Variants in TAF4B observed in about 807,000 individuals in gnomAD.
TAF4B encodes the protein transcription initiation factor TFIID subunit 4B.
TAF4B carries 38 observed loss-of-function variants against 86.4 expected under a neutral mutation model. The observed-to-expected ratio is 0.44, with a 90% confidence interval of 0.34 to 0.58. The LOEUF (loss-of-function observed/expected upper bound fraction) is 0.58. Among genes scored for constraint, TAF4B ranks in the 20% least tolerant of loss-of-function variants. The pLI is 0.02. For synonymous variants in TAF4B, 388 were observed against 391.2 expected (o/e 0.99, Z 0.10); for missense variants, 988 against 1,027.6 (o/e 0.96, Z 0.53).
intron 14 of TAF4B, among the ~76,000 whole-genome samples, chr18:26,366,919 A>G (rs1057199639): frequency 6.6e-6 from 1 of 152,206 alleles, no homozygotes; most frequent in Admixed American, 6.5e-5. Flanking sequence ...AGTCCTCACA[A>G]TTCCTCTGTA....
intron 1 of TAF4B, among the ~76,000 whole-genome samples, chr18:26,244,553 G>T (rs1213414428): frequency 6.6e-6 from 1 of 152,134 alleles, no homozygotes; most frequent in Non-Finnish European, 1.5e-5. Context: ...CGCAGCTTTG[G>T]CTCACACTCC....
At chr18:26,349,299 T>G (rs1293727790) in intron 13 of TAF4B, among the ~76,000 whole-genome samples, 1 of 152,120 alleles carries the variant, frequency 6.6e-6, no homozygotes, top group Non-Finnish European at 1.5e-5. Context: ...TGTCTATTGT[T>G]GCCGTCTCAA....
At chr18:26,365,002 CTT>C (rs1236686001) in intron 14 of TAF4B, among the ~76,000 whole-genome samples, 35 of 109,234 alleles carry the variant, frequency 3.2e-4, no homozygotes, top group African/African-American at 7.9e-4. Flanking sequence ...TAATTCTATT[CTT>C]TTTTTTTTTT....
In TAF4B at chr18:26,346,801, G is replaced by GTGTGTATA. The variant is rs1298359765; in HGVS notation, c.2317-10888_2317-10887insGTGTATAT. Among the ~76,000 whole-genome samples, 17 of 18,248 alleles carry GTGTGTATA rather than the reference G, an allele frequency of 9.3e-4. 4 individuals are homozygous for GTGTGTATA. Among genetic ancestry groups the GTGTGTATA allele is most frequent in the African/African-American group, 1.8e-3 (17 of 9,520 alleles). 12.0% of individuals were successfully genotyped at this position (18,248 alleles called of 152,430 possible). On this transcript the variant is annotated intron_variant, in intron 13 of 14. Coordinates refer to ENST00000269142, the MANE Select transcript of TAF4B (RefSeq NM_005640.3). ...TGTGTGTATATATATATATATATGT[G>GTGTGTATA]TATATATATATATATGTGTGTGTAT...
At chr18:26,324,789 A>T (rs546808667) in intron 11 of TAF4B, among the ~76,000 whole-genome samples, 1 of 152,356 alleles carries the variant, frequency 6.6e-6, no homozygotes, top group East Asian at 1.9e-4. Flanking sequence ...ATAACAAAAG[A>T]TTATCAGCCC....
intron 11 of TAF4B, among the ~76,000 whole-genome samples, chr18:26,325,196 T>C (rs945676071): frequency 1.3e-5 from 2 of 152,258 alleles, no homozygotes; most frequent in African/African-American, 4.8e-5. Flanking sequence ...AGATATGTTA[T>C]AGTCGCCTAT....
chr18:26,305,095 T>C (rs1400670229), intron 9 of TAF4B, among the ~76,000 whole-genome samples: 1 of 152,218 alleles, frequency 6.6e-6, no homozygotes, highest in East Asian at 1.9e-4. Flanking sequence ...TCTCTTCCTT[T>C]ATGGCTTTTG....
rs2055952125 is a variant in TAF4B, at chr18:26,248,015, A to G, written c.344-17155A>G. Among the ~76,000 whole-genome samples the G allele has an allele frequency of 1.6e-5, 2 of 122,440 alleles. 1 individual carries two copies. Among genetic ancestry groups the G allele is most frequent in the Non-Finnish European group, 3.3e-5 (2 of 59,714 alleles). The allele number at this position is 122,440 out of a possible 152,430, so 80.3% of individuals were successfully genotyped here. On this transcript the variant is annotated intron_variant, in intron 1 of 14. Coordinates refer to ENST00000269142, the MANE Select transcript of TAF4B (RefSeq NM_005640.3). ...TCAAACCTACTGAGTGACTGGGACT[A>G]CAGGTGTGCCTCACTATGCCCAGCT...
intron 5 of TAF4B, among the ~76,000 whole-genome samples, chr18:26,277,373 A>ACCGTGC (rs1253489892): frequency 6.6e-6 from 1 of 152,226 alleles, no homozygotes; most frequent in Non-Finnish European, 1.5e-5. Flanking sequence ...GGCATGAGCC[A>ACCGTGC]CCGTGCCCAG....
At chr18:26,319,304 C>T (rs2056939851) in intron 10 of TAF4B, among the ~76,000 whole-genome samples, 1 of 151,694 alleles carries the variant, frequency 6.6e-6, no homozygotes, top group Non-Finnish European at 1.5e-5. Context: ...CTAGCCTGGC[C>T]AACATGGTGA....
At chr18:26,385,586 C>T (rs1978326412) in intron 14 of TAF4B, among the ~76,000 whole-genome samples, 1 of 151,914 alleles carries the variant, frequency 6.6e-6, no homozygotes, top group South Asian at 2.1e-4. Flanking sequence ...GTGAAGAATC[C>T]AGATTAAGGA....
At chr18:26,253,321 A>G (rs2056033742) in intron 1 of TAF4B, among the ~76,000 whole-genome samples, 1 of 152,180 alleles carries the variant, frequency 6.6e-6, no homozygotes, top group African/African-American at 2.4e-5. Context: ...CTTGTTCCGC[A>G]TCTGTTGAGA....
intron 11 of TAF4B, among the ~76,000 whole-genome samples, chr18:26,325,036 CT>C (rs1411698601): frequency 1.3e-5 from 2 of 152,216 alleles, no homozygotes; most frequent in Non-Finnish European, 2.9e-5. Flanking sequence ...TCTCTTTCCA[CT>C]CTTGAACATC....
At chr18:26,351,728 T>C (rs2057247727) in intron 13 of TAF4B, among the ~76,000 whole-genome samples, 1 of 152,046 alleles carries the variant, frequency 6.6e-6, no homozygotes, top group Non-Finnish European at 1.5e-5. Flanking sequence ...AAATCTAACA[T>C]GCAAATAAAG....
chr18:26,317,775 G>T (rs2056926390), intron 10 of TAF4B, among the ~76,000 whole-genome samples: 2 of 152,132 alleles, frequency 1.3e-5, no homozygotes, highest in Non-Finnish European at 2.9e-5. Context: ...CTAGCTCTCT[G>T]GTCTCTTCTT....
At chr18:26,285,227 T>TG (rs1555677499) in intron 6 of TAF4B, among the ~76,000 whole-genome samples, 28 of 125,110 alleles carry the variant, frequency 2.2e-4, no homozygotes, top group South Asian at 3.0e-4. Context: ...TTTTTGTTTT[T>TG]TTTTTTTTTG....
intron 13 of TAF4B, among the ~76,000 whole-genome samples, chr18:26,346,777 GTGTGTATATATATATATATA>G (rs2057187029): frequency 7.0e-4 from 10 of 14,254 alleles, no homozygotes; most frequent in African/African-American, 1.2e-3. Flanking sequence ...ATATATATGT[GTGTGTATATATATATATATA>G]TGTGTATATA....
At chr18:26,368,340 G>C (rs139590828) in intron 14 of TAF4B, among the ~76,000 whole-genome samples, 178 of 152,250 alleles carry the variant, frequency 1.2e-3, no homozygotes, top group Non-Finnish European at 1.9e-3. Flanking sequence ...AAACCCAAAG[G>C]CTTAAAACCT....
At chr18:26,328,404 C>T (rs1265175741) in intron 12 of TAF4B, among the ~76,000 whole-genome samples, 1 of 151,950 alleles carries the variant, frequency 6.6e-6, no homozygotes, top group East Asian at 1.9e-4. Context: ...GAGCTGAAAT[C>T]GTGCCACTAC....
Sources: gnomAD v4.1 joint callset for allele counts (sites outside exome capture counted in the v4.1 genomes callset) on GRCh38, gnomAD v4.1.1 for gene constraint, MANE v1.5 for transcripts, NCBI Gene and HGNC (gene_info 2026-07-23, HGNC 2026-07-21) for gene names.